The following MDGA2 variants were observed in gnomAD, a reference collection of about 807,000 sequenced individuals.
MDGA2 encodes the protein MAM domain containing glycosylphosphatidylinositol anchor 2, also known as MAM domain-containing glycosylphosphatidylinositol anchor protein 2.
In MDGA2, 40 loss-of-function variants were observed where a neutral mutation model predicts 117.8. The ratio of observed to expected loss-of-function variants is 0.34; its 90% CI spans 0.26 to 0.44. MDGA2 has a LOEUF of 0.44. Ranked by LOEUF, MDGA2 falls within the 20% of genes least tolerant of loss-of-function variation. The pLI, the probability that MDGA2 is intolerant of heterozygous loss-of-function variation, is 1.00. For synonymous variants in MDGA2, 452 were observed against 439.0 expected, an observed-to-expected ratio of 1.03 and a Z score of -0.37; for missense variants, 1,123 against 1,250.6, an observed-to-expected ratio of 0.90 and a Z score of 1.54.
intron 5 of MDGA2, among the ~76,000 whole-genome samples, chr14:47,129,239 T>TCCCCCCCCCCCCCCCCCCCCCCCC (rs535856949): frequency 6.8e-6 from 1 of 147,960 alleles, no homozygotes; most frequent in Admixed American, 6.8e-5. Flanking sequence ...ATGCTATAGC[T>TCCCCCCCCCCCCCCCCCCCCCCCC]CCCCCCCCGA....
At position 47,483,089 on chromosome 14, in the gene MDGA2, T is replaced by C. The variant is rs374597956; in HGVS notation, c.281-181539A>G. Among the ~76,000 whole-genome samples the C allele has an allele frequency of 3.9e-5, 6 of 152,186 alleles. No homozygotes were observed. The South Asian group carries it at 1.0e-3, about 26-fold the overall frequency. ...GTTTTAAAAAATAAGTAATCTTTTT[T>C]AAAAAAAGTTTTTCATTTATATTTT... On this transcript the variant is annotated intron_variant, in intron 1 of 16. Coordinates refer to ENST00000399232, the MANE Select transcript of MDGA2 (RefSeq NM_001113498.3).
intron 1 of MDGA2, among the ~76,000 whole-genome samples, chr14:47,472,763 C>T (rs965389767): frequency 6.6e-6 from 1 of 152,070 alleles, no homozygotes; most frequent in Admixed American, 6.6e-5. Context: ...CTTTTACCAG[C>T]TGGATAACTT....
chr14:47,378,872 CAA>C (rs1891542109), intron 1 of MDGA2, among the ~76,000 whole-genome samples: 1 of 152,104 alleles, frequency 6.6e-6, no homozygotes, highest in African/African-American at 2.4e-5. Context: ...GAGAACGCCA[CAA>C]AGATACTCCT....
At chr14:47,568,480 A>C (rs993602349) in intron 1 of MDGA2, among the ~76,000 whole-genome samples, 1 of 152,242 alleles carries the variant, frequency 6.6e-6, no homozygotes, top group Non-Finnish European at 1.5e-5. Context: ...TTTTCTTCAC[A>C]GTAAAGAGAA....
intron 8 of MDGA2, among the ~76,000 whole-genome samples, chr14:47,004,044 A>C (rs1295593266): frequency 6.6e-6 from 1 of 151,928 alleles, no homozygotes; most frequent in East Asian, 1.9e-4. Flanking sequence ...AACATTTGCA[A>C]AGTATACATT....
At chr14:47,234,071 T>C (rs1279794232) in intron 2 of MDGA2, among the ~76,000 whole-genome samples, 1 of 152,086 alleles carries the variant, frequency 6.6e-6, no homozygotes, top group Non-Finnish European at 1.5e-5. Context: ...TTTATTTTTC[T>C]TGTCACTGAA....
chr14:47,436,605 T>A (rs1487637342), intron 1 of MDGA2, among the ~76,000 whole-genome samples: 2 of 152,084 alleles, frequency 1.3e-5, no homozygotes, highest in Non-Finnish European at 2.9e-5. Context: ...GGGTGTCCAA[T>A]CTTTTGGCTT....
rs558965600 is a variant in MDGA2 at position 47,585,789 on chromosome 14, T to A, written c.280+88728A>T. ...TAAATATATTTTCCTAATATTCCTATGTACATTTTTTCCAATTGTCTTCCA... is the reference window on the plus strand; with the variant it reads ...TAAATATATTTTCCTAATATTCCTAAGTACATTTTTTCCAATTGTCTTCCA... On this transcript the variant is annotated intron_variant, in intron 1 of 16. Coordinates refer to ENST00000399232, the MANE Select transcript of MDGA2 (RefSeq NM_001113498.3). Among the ~76,000 whole-genome samples the A allele has an allele frequency of 2.0e-5, 3 of 152,072 alleles. No homozygotes were observed. In the South Asian group the frequency reaches 6.2e-4, roughly 31 times the overall value.
At chr14:47,607,226 T>C (rs1896759045) in intron 1 of MDGA2, among the ~76,000 whole-genome samples, 1 of 152,168 alleles carries the variant, frequency 6.6e-6, no homozygotes, top group Non-Finnish European at 1.5e-5. Flanking sequence ...CAAATCTCTG[T>C]AACTTCTTTA....
At chr14:47,485,499 G>C (rs1894041270) in intron 1 of MDGA2, among the ~76,000 whole-genome samples, 1 of 152,162 alleles carries the variant, frequency 6.6e-6, no homozygotes, top group African/African-American at 2.4e-5. Flanking sequence ...CATTTTCTGA[G>C]GAGAAATTCG....
At chr14:47,073,756 G>C (rs1453463673) in intron 6 of MDGA2, among the ~76,000 whole-genome samples, 1 of 152,216 alleles carries the variant, frequency 6.6e-6, no homozygotes, top group Non-Finnish European at 1.5e-5. Context: ...GGTCATTCCA[G>C]AGAGTGGCAG....
At position 47,173,337 on chromosome 14, in the gene MDGA2, C is replaced by G. The variant is rs930832801; in HGVS notation, c.596-29063G>C. Among the ~76,000 whole-genome samples the G allele has an allele frequency of 3.3e-5, 5 of 152,150 alleles. 1 individual carries two copies. The highest frequency in any genetic ancestry group is 6.5e-5 in the Admixed American group (1 of 15,292). On this transcript the variant is annotated intron_variant, in intron 3 of 16. Coordinates refer to ENST00000399232, the MANE Select transcript of MDGA2 (RefSeq NM_001113498.3). ...CTCCTCAAGAAGAGCAACTCCAAGA[C>G]ACATAATTGTCAGATTCACCAAAGT...
At chr14:47,084,243 A>T (rs1270134908) in intron 6 of MDGA2, among the ~76,000 whole-genome samples, 1 of 152,090 alleles carries the variant, frequency 6.6e-6, no homozygotes, top group Non-Finnish European at 1.5e-5. Context: ...TGACAGAGAG[A>T]TTATAGGAAA....
chr14:47,618,211 T>A (rs8004608), intron 1 of MDGA2, among the ~76,000 whole-genome samples: 7,739 of 152,268 alleles, frequency 0.051, 502 homozygotes, highest in East Asian at 0.22. Context: ...CACTCATAAA[T>A]TGTATCACAG....
At chr14:46,961,492 T>C (rs1885805654) in intron 8 of MDGA2, among the ~76,000 whole-genome samples, 1 of 152,218 alleles carries the variant, frequency 6.6e-6, no homozygotes, top group African/African-American at 2.4e-5. Context: ...TATTGTGTAT[T>C]AATTCCAATA....
At chr14:47,400,387 G>A (rs1892108594) in intron 1 of MDGA2, among the ~76,000 whole-genome samples, 1 of 151,828 alleles carries the variant, frequency 6.6e-6, no homozygotes, top group Non-Finnish European at 1.5e-5. Flanking sequence ...TATTTATACA[G>A]AATAAACATT....
At chr14:47,498,184 A>G (rs17118799) in intron 1 of MDGA2, among the ~76,000 whole-genome samples, 5,447 of 152,186 alleles carry the variant, frequency 0.036, 334 homozygotes, top group African/African-American at 0.12. Context: ...TGGACAGGAA[A>G]CCTGGCATGT....
chr14:47,027,677 T>G (rs556115471), intron 8 of MDGA2, among the ~76,000 whole-genome samples: 1 of 150,862 alleles, frequency 6.6e-6, no homozygotes, highest in Non-Finnish European at 1.5e-5. Flanking sequence ...GACTGAAAAT[T>G]TCTTTCTATT....
chr14:46,947,812 C>A (rs1208751006), intron 9 of MDGA2, among the ~76,000 whole-genome samples: 1 of 151,778 alleles, frequency 6.6e-6, no homozygotes, highest in Non-Finnish European at 1.5e-5. Context: ...CAGACTAATA[C>A]AGTCGTCCTT....
Sources: gnomAD v4.1 joint callset for allele counts (sites outside exome capture counted in the v4.1 genomes callset) on GRCh38, gnomAD v4.1.1 for gene constraint, MANE v1.5 for transcripts, NCBI Gene and HGNC (gene_info 2026-07-23, HGNC 2026-07-21) for gene names.